Variants in PATJ observed in about 807,000 individuals in gnomAD.
PATJ encodes PATJ crumbs cell polarity complex component, also known as inaD-like protein.
A neutral mutation model predicts 224.9 loss-of-function variants in PATJ; 190 were observed. The ratio of observed to expected loss-of-function variants is 0.84; its 90% CI spans 0.75 to 0.95. The LOEUF is 0.95. Ranked by LOEUF, PATJ falls within the 40% of genes least tolerant of loss-of-function variation. The probability of loss-of-function intolerance (pLI) is 0.00; values close to 1 mark genes in which losing one functional copy is unlikely to be tolerated. For synonymous variants in PATJ, 769 were observed against 820.3 expected, an observed-to-expected ratio of 0.94 and a Z score of 1.07; for missense variants, 2,121 against 2,270.3, an observed-to-expected ratio of 0.93 and a Z score of 1.34.
intron 32 of PATJ, 78 bp downstream of exon 32, chr1:62,079,645 A>C: frequency 1.1e-6 from 1 of 907,482 alleles, no homozygotes; most frequent in Non-Finnish European, 1.8e-6. Flanking sequence ...TAAAACGAGA[A>C]CTGGACCAGG....
At chr1:61,967,257 C>A (rs1682305410) in intron 27 of PATJ, among the ~76,000 whole-genome samples, 2 of 152,052 alleles carry the variant, frequency 1.3e-5, no homozygotes, top group African/African-American at 4.8e-5. Flanking sequence ...TTACTATTAG[C>A]CATTTTATTT....
At position 62,113,672 on chromosome 1, in the gene PATJ, T is replaced by A. The variant is rs77504740; in HGVS notation, c.4462-381T>A. On this transcript the variant is annotated intron_variant, in intron 34 of 43. Transcript: ENST00000642238. ...CAAATAAATGAGAGTGAAGATGTCA[T>A]ATCCAATAAGCAAACTGAATCTAAA... 6.0e-3 allele frequency among the ~76,000 whole-genome samples: 914 copies of A among 152,238 alleles called. 12 individuals carry two copies. Among genetic ancestry groups the A allele is most frequent in the African/African-American group, 0.021 (867 of 41,552 alleles).
intron 27 of PATJ, among the ~76,000 whole-genome samples, chr1:61,931,070 G>A (rs1029364272): frequency 5.3e-5 from 8 of 151,980 alleles, no homozygotes; most frequent in African/African-American, 1.5e-4. Flanking sequence ...CAAACTCCTC[G>A]GCTCAAACTA....
intron 1 of PATJ, among the ~76,000 whole-genome samples, chr1:61,747,017 G>C (rs1645057118): frequency 6.6e-6 from 1 of 152,188 alleles, no homozygotes; most frequent in Admixed American, 6.5e-5. Context: ...TGAGGAGCCA[G>C]CAGGCTGAAT....
chr1:61,828,686 C>T (rs947314960), intron 16 of PATJ, among the ~76,000 whole-genome samples: 1 of 152,122 alleles, frequency 6.6e-6, no homozygotes, highest in African/African-American at 2.4e-5. Flanking sequence ...GCGACTGTAC[C>T]CAGCTGGAAG....
At chr1:62,145,104 C>T (rs1013688241) in intron 41 of PATJ, among the ~76,000 whole-genome samples, 4 of 152,234 alleles carry the variant, frequency 2.6e-5, no homozygotes, top group Admixed American at 6.5e-5. Flanking sequence ...TGCGAGCCAC[C>T]GTGCACAGCC....
At chr1:61,979,380 C>T (rs564195055) in intron 27 of PATJ, among the ~76,000 whole-genome samples, 4 of 152,094 alleles carry the variant, frequency 2.6e-5, no homozygotes, top group East Asian at 3.9e-4. Context: ...TTAGGCCAGG[C>T]GCGGTGGTTC....
Position 62,162,797 on chromosome 1 carries a change from A to G in PATJ, c.*1743A>G, listed in dbSNP as rs1374871105. The stretch of plus-strand genomic sequence containing the variant: ...CCCTGTCTCTACTAAAAATACAAAA[A>G]TTAGCTGGGTGCAGTGGCAGGCGCC... On this transcript the variant is annotated 3_prime_UTR_variant, in exon 44 of 44. Transcript: ENST00000642238. 1 of 195,982 alleles carries G rather than the reference A, an allele frequency of 5.1e-6. No homozygotes were observed. Among genetic ancestry groups the G allele is most frequent in the Non-Finnish European group, 1.1e-5 (1 of 93,256 alleles). 12.1% of individuals were successfully genotyped at this position (195,982 alleles called of 1,614,324 possible).
intron 26 of PATJ, among the ~76,000 whole-genome samples, chr1:61,915,463 A>G (rs902194880): frequency 2.0e-5 from 3 of 152,112 alleles, no homozygotes; most frequent in African/African-American, 7.2e-5. Context: ...CTTCTTAGAC[A>G]TGTCTTAACT....
At chr1:61,889,828 A>G (rs1363761092) in intron 22 of PATJ, among the ~76,000 whole-genome samples, 1 of 152,220 alleles carries the variant, frequency 6.6e-6, no homozygotes, top group Non-Finnish European at 1.5e-5. Context: ...ACTGCAGTTG[A>G]CCACAGCTAA....
chr1:61,958,626 G>T (rs1379079416), intron 27 of PATJ, among the ~76,000 whole-genome samples: 1 of 152,094 alleles, frequency 6.6e-6, no homozygotes, highest in African/African-American at 2.4e-5. Flanking sequence ...AAAGCCCACT[G>T]TGACCCTATA....
At chr1:62,156,243 T>C (rs896036787) in intron 43 of PATJ, among the ~76,000 whole-genome samples, 9 of 150,888 alleles carry the variant, frequency 6.0e-5, no homozygotes, top group Admixed American at 3.3e-4. Context: ...TAGACTCCAA[T>C]GTAGGCCAGG....
At chr1:61,949,889 G>A (rs759241659) in intron 27 of PATJ, among the ~76,000 whole-genome samples, 77 of 151,614 alleles carry the variant, frequency 5.1e-4, no homozygotes, top group Non-Finnish European at 8.7e-4. Flanking sequence ...GTGACAGAGC[G>A]AGACTCTGTC....
At chr1:61,760,859 C>G (rs1480347826) in intron 1 of PATJ, among the ~76,000 whole-genome samples, 1 of 151,986 alleles carries the variant, frequency 6.6e-6, no homozygotes, top group Non-Finnish European at 1.5e-5. Flanking sequence ...GTGATCCACC[C>G]ACCTCGATCT....
At chr1:61,837,816 T>C (rs1570801676) in intron 17 of PATJ, among the ~76,000 whole-genome samples, 1 of 144,238 alleles carries the variant, frequency 6.9e-6, no homozygotes. Flanking sequence ...AAGGGAAAGA[T>C]GAGTGAGCAG....
chr1:61,910,060 A>G (rs957047841), intron 25 of PATJ, among the ~76,000 whole-genome samples: 1 of 152,236 alleles, frequency 6.6e-6, no homozygotes, highest in South Asian at 2.1e-4. Flanking sequence ...TCAGTTTTTA[A>G]TTCTTACAAT....
intron 41 of PATJ, among the ~76,000 whole-genome samples, chr1:62,132,372 T>C (rs997469716): frequency 1.1e-4 from 16 of 152,082 alleles, no homozygotes. Context: ...GCGGTGCACC[T>C]CTGTAATCCT....
At chr1:62,017,997 TG>T in intron 29 of PATJ, 50 bp downstream of exon 29, 3 of 956,666 alleles carry the variant, frequency 3.1e-6, no homozygotes, top group Non-Finnish European at 5.2e-6. Flanking sequence ...CTTCTGAAGA[TG>T]TTATTAGTGT....
Position 62,128,943 on chromosome 1 carries a change from C to T in PATJ, c.5269C>T (p.Gln1757Ter). The change falls in exon 41 of 44, where the codon CAG (glutamine) becomes TAG (stop). Residue 1757 changes from glutamine (Q) to a stop codon, truncating the protein, a stop_gained and splice_region_variant. Transcript: ENST00000642238. LOFTEE classifies it high-confidence loss of function. ...GAACGCCTACGGGCGCATTATCCTG[C>T]AGGTATTGCGATCAACGGAGCACGC... ...LKNAYGRIIL[Q>*]VVADTNISAI... 2 of 1,595,912 alleles carry T rather than the reference C, an allele frequency of 1.3e-6. No individual in the cohort carries two copies. Among genetic ancestry groups the T allele is most frequent in the Non-Finnish European group, 8.6e-7 (1 of 1,164,002 alleles).
Sources: gnomAD v4.1 joint callset for allele counts (sites outside exome capture counted in the v4.1 genomes callset) on GRCh38, gnomAD v4.1.1 for gene constraint, MANE v1.5 for transcripts, NCBI Gene and HGNC (gene_info 2026-07-23, HGNC 2026-07-21) for gene names.